Variants in CDH13 observed in about 807,000 individuals in gnomAD.
CDH13 encodes the protein cadherin 13.
Under a neutral mutation model 63.8 loss-of-function variants are expected in CDH13, and 24 were observed. The ratio of observed to expected loss-of-function variants is 0.38; its 90% confidence interval spans 0.27 to 0.53. The LOEUF is 0.53. CDH13 is among the 20% of genes least tolerant of loss of function. The pLI, the probability that CDH13 is intolerant of heterozygous loss-of-function variation, is 0.85. For missense variants in CDH13, 1,049 were observed against 903.1 expected (o/e 1.16, Z -2.07); for synonymous variants, 503 against 355.3 (o/e 1.42, Z -4.67).
chr16:83,736,862 C>G (rs995409221), intron 10 of CDH13, among the ~76,000 whole-genome samples: 2 of 152,310 alleles, frequency 1.3e-5, no homozygotes, highest in East Asian at 3.9e-4. Context: ...CCCGGTATGA[C>G]CTTTGCCAGA....
chr16:82,804,490 A>G (rs2037046578), intron 1 of CDH13, among the ~76,000 whole-genome samples: 1 of 152,204 alleles, frequency 6.6e-6, no homozygotes, highest in Non-Finnish European at 1.5e-5. Context: ...AAAGCTATTA[A>G]GAAAAAGAAA....
intron 2 of CDH13, among the ~76,000 whole-genome samples, chr16:82,900,006 T>G (rs1416977742): frequency 6.6e-6 from 1 of 152,160 alleles, no homozygotes; most frequent in African/African-American, 2.4e-5. Flanking sequence ...GGTCTGGCTC[T>G]CCCATGTCTC....
intron 2 of CDH13, among the ~76,000 whole-genome samples, chr16:82,871,554 AC>A (rs2040341710): frequency 6.6e-6 from 1 of 152,170 alleles, no homozygotes; most frequent in Non-Finnish European, 1.5e-5. Context: ...CCCAGCTCTA[AC>A]TTTGACTTGC....
At chr16:82,907,305 T>G (rs796514258) in intron 2 of CDH13, among the ~76,000 whole-genome samples, 13 of 152,142 alleles carry the variant, frequency 8.5e-5, no homozygotes, top group African/African-American at 3.1e-4. Flanking sequence ...TGCCCCCTCC[T>G]CTTTACCCCT....
At chr16:83,283,062 T>C (rs1043925712) in intron 5 of CDH13, among the ~76,000 whole-genome samples, 3 of 152,186 alleles carry the variant, frequency 2.0e-5, no homozygotes, top group Non-Finnish European at 4.4e-5. Flanking sequence ...GAAGAAAAGT[T>C]CCCACTTAAT....
At chr16:82,888,036 A>G (rs144918453) in intron 2 of CDH13, among the ~76,000 whole-genome samples, 147 of 152,144 alleles carry the variant, frequency 9.7e-4, no homozygotes, top group Middle Eastern at 3.4e-3. Flanking sequence ...GCTGTATGTC[A>G]GGTATTTACT....
chr16:83,626,278 G>C (rs767048446), intron 8 of CDH13, among the ~76,000 whole-genome samples: 1 of 152,148 alleles, frequency 6.6e-6, no homozygotes, highest in African/African-American at 2.4e-5. Flanking sequence ...TAGAGGCCCC[G>C]AGGAATGCAG....
rs1597255013 is a variant in CDH13, at chr16:82,663,626, G to C, written c.45+36489G>C. On this transcript the variant is annotated intron_variant, in intron 1 of 13. Coordinates refer to ENST00000567109, the MANE Select transcript of CDH13 (RefSeq NM_001257.5). ...AAAAAGTTCAAAAGCATCTTGCTTT[G>C]GCCGCTTCTTCAGACATCACTCTCT... is the stretch of plus-strand genomic sequence containing the variant. Among the ~76,000 whole-genome samples, 3 of 152,218 alleles carry C rather than the reference G, an allele frequency of 2.0e-5. No individual in the cohort carries two copies. The South Asian group carries it at 6.2e-4, about 32-fold the overall frequency.
At chr16:83,247,370 G>T (rs1158428526) in intron 5 of CDH13, among the ~76,000 whole-genome samples, 1 of 152,164 alleles carries the variant, frequency 6.6e-6, no homozygotes, top group East Asian at 1.9e-4. Context: ...GGAAATGAGA[G>T]AAGCAAGCTT....
chr16:83,758,201 C>G (rs1223383090), intron 11 of CDH13, among the ~76,000 whole-genome samples: 1 of 151,888 alleles, frequency 6.6e-6, no homozygotes, highest in African/African-American at 2.4e-5. Flanking sequence ...CTTCCAGAAA[C>G]AGAAATAGAA....
rs114198733 is a variant in CDH13, at chr16:82,631,757, C to G, written c.45+4620C>G. Among the ~76,000 whole-genome samples, 214 of 152,254 alleles carry G rather than the reference C, an allele frequency of 1.4e-3. 2 individuals carry two copies. Among genetic ancestry groups the G allele is most frequent in the African/African-American group, 4.6e-3 (191 of 41,548 alleles). ...TAGGGTGGAAAGTCATCTTTCTCTG[C>G]TGAGAGAGGCAGCTTGGGGGAAGGC... On this transcript the variant is annotated intron_variant, in intron 1 of 13. Coordinates refer to ENST00000567109, the MANE Select transcript of CDH13 (RefSeq NM_001257.5).
At chr16:82,736,344 A>T (rs1458947597) in intron 1 of CDH13, among the ~76,000 whole-genome samples, 3 of 152,184 alleles carry the variant, frequency 2.0e-5, no homozygotes, top group African/African-American at 4.8e-5. Context: ...TTAAGGGAAG[A>T]AAAAAACAGA....
At chr16:83,297,892 T>C (rs1403108612) in intron 5 of CDH13, among the ~76,000 whole-genome samples, 2 of 152,004 alleles carry the variant, frequency 1.3e-5, no homozygotes, top group African/African-American at 4.8e-5. Context: ...TTCTCTACTC[T>C]GATCTGTACA....
chr16:83,155,314 A>G (rs796185088), intron 4 of CDH13, among the ~76,000 whole-genome samples: 23 of 152,302 alleles, frequency 1.5e-4, no homozygotes, highest in African/African-American at 4.8e-4. Flanking sequence ...CATGGTGTCA[A>G]AATTATCCTT....
chr16:83,326,590 C>T (rs187214675), intron 5 of CDH13, among the ~76,000 whole-genome samples: 2 of 152,178 alleles, frequency 1.3e-5, no homozygotes, highest in East Asian at 1.9e-4. Context: ...GTGGGACTTA[C>T]ACTTTGCCTG....
chr16:83,714,542 T>C (rs1908599389), intron 10 of CDH13, among the ~76,000 whole-genome samples: 1 of 152,186 alleles, frequency 6.6e-6, no homozygotes, highest in Non-Finnish European at 1.5e-5. Context: ...ATGTGATGCT[T>C]TCTACCTCTG....
chr16:83,236,974 A>G lies in CDH13; in HGVS notation c.636+19477A>G, dbSNP rs117853978. 6.6e-3 allele frequency among the ~76,000 whole-genome samples: 998 copies of G among 152,116 alleles called. 6 individuals are homozygous for G. The highest frequency in any genetic ancestry group is 9.5e-3 in the Non-Finnish European group (648 of 67,996). On this transcript the variant is annotated intron_variant, in intron 5 of 13. Coordinates refer to ENST00000567109, the MANE Select transcript of CDH13 (RefSeq NM_001257.5). ...AGTTTCACCTCATTTTAAAAATCAC[A>G]GTGCACAAAAAGAGGTAAGGGAGGC...
intron 11 of CDH13, among the ~76,000 whole-genome samples, chr16:83,776,840 C>T (rs1231863059): frequency 6.6e-6 from 1 of 152,140 alleles, no homozygotes; most frequent in African/African-American, 2.4e-5. Flanking sequence ...TTCCGTATTC[C>T]ACCCCTCTGG....
At chr16:83,007,846 AG>A (rs1913704397) in intron 2 of CDH13, among the ~76,000 whole-genome samples, 1 of 151,374 alleles carries the variant, frequency 6.6e-6, no homozygotes, top group African/African-American at 2.4e-5. Flanking sequence ...AAGAGAGAAA[AG>A]AAAAATGCCT....
Sources: allele counts gnomAD v4.1 joint callset (sites outside exome capture counted in the v4.1 genomes callset), GRCh38; gene constraint gnomAD v4.1.1; transcripts MANE v1.5; gene names NCBI Gene and HGNC (gene_info 2026-07-23, HGNC 2026-07-21).